OPCML: variants seen among roughly 807,000 people sequenced by gnomAD.
The protein encoded by OPCML is opioid-binding protein/cell adhesion molecule.
In OPCML, 13 loss-of-function variants were observed where a neutral mutation model predicts 37.8. The observed-to-expected ratio is 0.34, with a 90% CI of 0.22 to 0.55. The LOEUF (loss-of-function observed/expected upper bound fraction) is 0.55, where lower values mean the gene tolerates loss of function less well. Among genes scored for constraint, OPCML ranks in the 20% least tolerant of loss-of-function variants. The pLI is 0.91. For synonymous variants in OPCML, 176 were observed against 168.8 expected (o/e 1.04, Z -0.33); for missense variants, 341 against 435.6 (o/e 0.78, Z 1.93).
chr11:132,631,176 T>G (rs1298516558), intron 3 of OPCML, among the ~76,000 whole-genome samples: 1 of 151,876 alleles, frequency 6.6e-6, no homozygotes, highest in Non-Finnish European at 1.5e-5. Flanking sequence ...TGGCTACTAC[T>G]GAAGGAAAGT....
intron 2 of OPCML, among the ~76,000 whole-genome samples, chr11:132,669,459 A>G (rs1942363499): frequency 6.6e-6 from 1 of 152,208 alleles, no homozygotes; most frequent in Non-Finnish European, 1.5e-5. Flanking sequence ...CCAAGGTGAC[A>G]CCATTAGCTA....
intron 1 of OPCML, among the ~76,000 whole-genome samples, chr11:133,401,622 T>C (rs1459095802): frequency 6.6e-6 from 1 of 152,080 alleles, no homozygotes; most frequent in Non-Finnish European, 1.5e-5. Context: ...AAATGGGATA[T>C]TGATGGGATT....
intron 2 of OPCML, among the ~76,000 whole-genome samples, chr11:132,668,129 G>T (rs1170165054): frequency 6.6e-6 from 1 of 152,166 alleles, no homozygotes; most frequent in Non-Finnish European, 1.5e-5. Context: ...TGGAATGAAA[G>T]AAATTATACA....
rs866722618 is a variant in OPCML, at chr11:133,141,054, A to C, written c.62-198044T>G. On this transcript the variant is annotated intron_variant, in intron 1 of 7. Transcript: ENST00000524381. ...ACGACGACGACGACGACGACGAAGA[A>C]GAAGAAGAAGAAGAAGAAGAAGAAG... Among the ~76,000 whole-genome samples the C allele has an allele frequency of 1.4e-3, 76 of 52,730 alleles. 18 individuals carry two copies. The highest frequency in any genetic ancestry group is 3.7e-3 in the African/African-American group (64 of 17,254). 34.6% of individuals were successfully genotyped at this position (52,730 alleles called of 152,430 possible).
chr11:133,330,715 T>C (rs565238133), intron 1 of OPCML, among the ~76,000 whole-genome samples: 1 of 151,678 alleles, frequency 6.6e-6, no homozygotes, highest in East Asian at 2.0e-4. Context: ...AAGGATAGCA[T>C]AGGAGATATA....
intron 1 of OPCML, among the ~76,000 whole-genome samples, chr11:132,969,065 T>A (rs1026759994): frequency 6.6e-6 from 1 of 152,154 alleles, no homozygotes; most frequent in African/African-American, 2.4e-5. Flanking sequence ...CAGAGCGCTA[T>A]ACACTCAACC....
At chr11:132,714,194 T>G (rs1451284970) in intron 2 of OPCML, among the ~76,000 whole-genome samples, 1 of 152,246 alleles carries the variant, frequency 6.6e-6, no homozygotes. Flanking sequence ...GTACTGTCAC[T>G]GAAGACTCCT....
intron 3 of OPCML, among the ~76,000 whole-genome samples, chr11:132,565,266 A>G (rs949785188): frequency 2.6e-5 from 4 of 152,116 alleles, no homozygotes; most frequent in African/African-American, 9.7e-5. Flanking sequence ...CCAAACACTA[A>G]TGCTCATGCT....
intron 4 of OPCML, among the ~76,000 whole-genome samples, chr11:132,467,871 C>A (rs1383491064): frequency 6.6e-6 from 1 of 152,166 alleles, no homozygotes; most frequent in African/African-American, 2.4e-5. Flanking sequence ...ACTATTCAAG[C>A]TGCATTCAAA....
At chr11:133,094,095 T>C in intron 1 of OPCML, among the ~76,000 whole-genome samples, 1 of 152,004 alleles carries the variant, frequency 6.6e-6, no homozygotes, top group East Asian at 1.9e-4. Flanking sequence ...GGACCTGGGA[T>C]AAAATATTTC....
At chr11:133,384,100 T>C (rs1311395865) in intron 1 of OPCML, among the ~76,000 whole-genome samples, 1 of 151,962 alleles carries the variant, frequency 6.6e-6, no homozygotes, top group African/African-American at 2.4e-5. Context: ...TACATACGCC[T>C]GTGTTGTCTG....
chr11:132,515,286 A>G (rs1408483695), intron 4 of OPCML, among the ~76,000 whole-genome samples: 11 of 152,136 alleles, frequency 7.2e-5, no homozygotes, highest in Non-Finnish European at 1.6e-4. Context: ...AAAATAACAC[A>G]AGGAAGGGGA....
intron 1 of OPCML, among the ~76,000 whole-genome samples, chr11:132,990,441 A>C (rs999507760): frequency 6.6e-6 from 1 of 152,236 alleles, no homozygotes; most frequent in Non-Finnish European, 1.5e-5. Flanking sequence ...AACACTTTAC[A>C]TTTGTACAAC....
chr11:133,140,925 C>CGAAGAA (rs1565468543), intron 1 of OPCML, among the ~76,000 whole-genome samples: 1 of 5,166 alleles, frequency 1.9e-4, no homozygotes, highest in African/African-American at 3.2e-4. Context: ...AAGAAGACGA[C>CGAAGAA]GACGACGAAG....
intron 2 of OPCML, among the ~76,000 whole-genome samples, chr11:132,920,822 C>T (rs1430039162): frequency 6.6e-6 from 1 of 152,180 alleles, no homozygotes; most frequent in Non-Finnish European, 1.5e-5. Flanking sequence ...GTCTTCTGGG[C>T]CCGTGCTGTC....
intron 2 of OPCML, among the ~76,000 whole-genome samples, chr11:132,714,933 A>G (rs556693896): frequency 9.8e-5 from 15 of 152,310 alleles, no homozygotes; most frequent in African/African-American, 3.6e-4. Context: ...AACAGTTCAC[A>G]GTGCAAAGGA....
chr11:133,028,289 G>A (rs1947601937), intron 1 of OPCML, among the ~76,000 whole-genome samples: 2 of 152,046 alleles, frequency 1.3e-5, no homozygotes. Flanking sequence ...GGGATGTCAG[G>A]CACTGTGGCA....
intron 1 of OPCML, among the ~76,000 whole-genome samples, chr11:133,507,569 T>C (rs531352532): frequency 6.6e-6 from 1 of 152,260 alleles, no homozygotes; most frequent in South Asian, 2.1e-4. Context: ...CTAGAGATGA[T>C]TCCTGTCCTC....
chr11:132,668,514 A>G (rs899939307), intron 2 of OPCML, among the ~76,000 whole-genome samples: 1 of 152,160 alleles, frequency 6.6e-6, no homozygotes, highest in Admixed American at 6.5e-5. Context: ...GACTGAAGAA[A>G]GTGATGCGTG....
Sources: allele counts gnomAD v4.1 joint callset (sites outside exome capture counted in the v4.1 genomes callset), GRCh38; gene constraint gnomAD v4.1.1; transcripts MANE v1.5; gene names NCBI Gene and HGNC (gene_info 2026-07-23, HGNC 2026-07-21).